Variants in ANK2 observed in about 807,000 individuals in gnomAD.
The protein encoded by ANK2 is ankyrin 2.
ANK2 carries 83 observed loss-of-function variants against 360.5 expected under a neutral mutation model. That is an observed-to-expected ratio of 0.23 (90% CI 0.19 to 0.28). The LOEUF is 0.28. ANK2 is among the 10% of genes least tolerant of loss of function. ANK2 has a pLI of 1.00. For missense variants in ANK2, 4,201 were observed against 4,795.7 expected (o/e 0.88, Z 3.66); for synonymous variants, 1,740 against 1,759.5 (o/e 0.99, Z 0.28).
intron 1 of ANK2, among the ~76,000 whole-genome samples, chr4:113,168,997 T>C (rs1258003434): frequency 1.3e-5 from 2 of 152,206 alleles, no homozygotes; most frequent in Non-Finnish European, 2.9e-5. Context: ...AGTACTCTGG[T>C]GTAGCTTAGG....
intron 1 of ANK2, among the ~76,000 whole-genome samples, chr4:113,147,161 T>G (rs1205719472): frequency 1.3e-5 from 2 of 151,874 alleles, no homozygotes; most frequent in Non-Finnish European, 2.9e-5. Context: ...GTCACCGTAG[T>G]CAAAAACGAA....
At chr4:113,139,363 T>C (rs913141214) in intron 1 of ANK2, among the ~76,000 whole-genome samples, 13 of 152,198 alleles carry the variant, frequency 8.5e-5, no homozygotes, top group Non-Finnish European at 1.9e-4. Flanking sequence ...ACTACAAGTG[T>C]TTATAAATTA....
chr4:112,905,666 T>C (rs980992062), intron 2 of ANK2, among the ~76,000 whole-genome samples: 46 of 152,202 alleles, frequency 3.0e-4, no homozygotes, highest in African/African-American at 1.0e-3. Flanking sequence ...CTTTTTGTTT[T>C]TGTTTTGTTT....
intron 2 of ANK2, among the ~76,000 whole-genome samples, chr4:112,955,314 T>C (rs766972972): frequency 3.3e-5 from 5 of 152,132 alleles, no homozygotes; most frequent in African/African-American, 4.8e-5. Flanking sequence ...AACCTAGGCC[T>C]AAGGATTGCA....
At chr4:112,928,679 A>C (rs2092852055) in intron 2 of ANK2, among the ~76,000 whole-genome samples, 1 of 152,166 alleles carries the variant, frequency 6.6e-6, no homozygotes, top group African/African-American at 2.4e-5. Flanking sequence ...ACAAAGACAC[A>C]CACATGTGTG....
chr4:112,881,995 T>G, intron 1 of ANK2: 1 of 566,716 alleles, frequency 1.8e-6, no homozygotes, highest in Non-Finnish European at 3.2e-6. Context: ...CCCGGAGTGC[T>G]TGGTGCTTGC....
intron 14 of ANK2, among the ~76,000 whole-genome samples, chr4:113,265,288 C>G (rs529926354): frequency 3.9e-5 from 6 of 152,152 alleles, no homozygotes; most frequent in African/African-American, 1.4e-4. Flanking sequence ...AAAGCACTTT[C>G]TCATATCTCT....
At chr4:113,162,879 C>T (rs959413541) in intron 1 of ANK2, among the ~76,000 whole-genome samples, 2 of 152,032 alleles carry the variant, frequency 1.3e-5, no homozygotes, top group Admixed American at 1.3e-4. Context: ...TGATTCTCAT[C>T]TCAGCTAAAT....
chr4:113,356,624 A>T lies in ANK2; in HGVS notation c.8006A>T (p.Glu2669Val), dbSNP rs773643165. The T allele has an allele frequency of 4.3e-6, 7 of 1,614,092 alleles. No homozygotes were observed. The highest frequency in any genetic ancestry group is 5.9e-6 in the Non-Finnish European group (7 of 1,179,980). ...TCTTCCTCCTCAGAAAGTGAACCTG[A>T]GTTGGCACAGCTTAAAAAAGGTGCT... ...KVSSSSESEP[E>V]LAQLKKGADS... is the part of the protein sequence containing the mutation. Residue 2669 changes from glutamate (E) to valine (V), a missense_variant, in exon 38 of 46, where the codon GAG becomes GTG. Coordinates refer to ENST00000357077, the MANE Select transcript of ANK2 (RefSeq NM_001148.6).
the ANK2 span, chr4:112,788,458 G>A: frequency 8.0e-4 from 1,286 of 1,601,024 alleles, 11 homozygotes; most frequent in African/African-American, 0.015. Flanking sequence ...AGGTGGTGAC[G>A]GTGTTAACTC....
rs138381417 is a variant in ANK2, at chr4:113,333,196, G to A, written c.3367G>A (p.Gly1123Ser). ...AGATGAATTGAATGAAATTCTTAAC[G>A]GCATGGATGAAGGTACTTTCAGATG... The part of the protein sequence containing the change: ...TEDELNEILN[G>S]MDEVLDSPED... Residue 1123 changes from glycine (G) to serine (S), a missense_variant, in exon 29 of 46, where the codon GGC becomes AGC. Physicochemically the swap from Gly to Ser is moderately conservative, Grantham distance 56 (BLOSUM62 0). Coordinates refer to ENST00000357077, the MANE Select transcript of ANK2 (RefSeq NM_001148.6). 5.6e-6 allele frequency: 9 copies of A among 1,613,952 alleles called. No individual in the cohort carries two copies. The highest frequency in any genetic ancestry group is 2.2e-5 in the East Asian group (1 of 44,898).
chr4:113,115,823 CTT>C (rs1447585729), intron 1 of ANK2, among the ~76,000 whole-genome samples: 1 of 152,122 alleles, frequency 6.6e-6, no homozygotes, highest in Non-Finnish European at 1.5e-5. Flanking sequence ...TTATTTTACT[CTT>C]TTCCTAACAA....
intron 1 of ANK2, among the ~76,000 whole-genome samples, chr4:113,163,258 G>GGAATTTTT (rs1562532850): frequency 6.6e-6 from 1 of 152,010 alleles, no homozygotes; most frequent in Non-Finnish European, 1.5e-5. Context: ...TATTAGAATT[G>GGAATTTTT]GAATTTTTCC....
Position 113,359,074 on chromosome 4 carries a change from T to C in ANK2, c.10456T>C (p.Ser3486Pro), listed in dbSNP as rs1299254706. 1 of 1,613,944 alleles carries C rather than the reference T, an allele frequency of 6.2e-7. No homozygotes were observed. The highest frequency in any genetic ancestry group is 1.7e-5 in the Admixed American group (1 of 59,986). ...EFFEEISDEASKLVDRLTQSE... is the reference protein window; with the variant it reads ...EFFEEISDEAPKLVDRLTQSE... ...CTTTGAGGAGATTAGTGATGAGGCTTCCAAATTAGTGGATAGGCTGACACA... is the reference window on the plus strand; with the variant it reads ...CTTTGAGGAGATTAGTGATGAGGCTCCCAAATTAGTGGATAGGCTGACACA... The change falls in exon 38 of 46, where the codon TCC (serine) becomes CCC (proline). Residue 3486 changes from serine (S) to proline (P), a missense_variant. Physicochemically the swap from Ser to Pro is moderately conservative, Grantham distance 74 (BLOSUM62 -1). This residue lies in a region of ANK2 where 2,642 missense variants were observed against 2,714.5 expected (regional missense o/e 0.97). Coordinates refer to ENST00000357077, the MANE Select transcript of ANK2 (RefSeq NM_001148.6).
At chr4:113,378,545 T>A (rs1265193033) in intron 45 of ANK2, among the ~76,000 whole-genome samples, 1 of 152,222 alleles carries the variant, frequency 6.6e-6, no homozygotes, top group Admixed American at 6.5e-5. Context: ...CAGATTAATT[T>A]TGTGACCAGC....
chr4:112,944,624 G>A (rs1487642712), intron 2 of ANK2, among the ~76,000 whole-genome samples: 1 of 152,094 alleles, frequency 6.6e-6, no homozygotes, highest in African/African-American at 2.4e-5. Flanking sequence ...TGGATATCTA[G>A]GGTTTGATGA....
chr4:112,852,302 A>G (rs769702965), intron 1 of ANK2, among the ~76,000 whole-genome samples: 27 of 152,146 alleles, frequency 1.8e-4, no homozygotes, highest in Admixed American at 3.9e-4. Flanking sequence ...CTTCTAACTC[A>G]ATTTCCACCC....
At chr4:112,719,182 T>C in the ANK2 span, among the ~76,000 whole-genome samples, 1 of 152,146 alleles carries the variant, frequency 6.6e-6, no homozygotes, top group Admixed American at 6.5e-5. Flanking sequence ...CCAGGCTTAG[T>C]AGTTTGCTGA....
chr4:113,204,863 G>A (rs909802768), intron 4 of ANK2, among the ~76,000 whole-genome samples: 1 of 152,100 alleles, frequency 6.6e-6, no homozygotes, highest in Non-Finnish European at 1.5e-5. Flanking sequence ...AGGTGTACTG[G>A]GAGGGCGTAT....
Sources: gnomAD v4.1 joint callset for allele counts (sites outside exome capture counted in the v4.1 genomes callset) on GRCh38, gnomAD v4.1.1 for gene constraint, gnomAD v4.1.1 regional missense constraint, MANE v1.5 for transcripts, NCBI Gene and HGNC (gene_info 2026-07-23, HGNC 2026-07-21) for gene names.